The following ZNF607 variants were observed in gnomAD, a reference collection of about 807,000 sequenced individuals.
The protein encoded by ZNF607 is zinc finger protein 607.
ZNF607 carries 5 observed loss-of-function variants against 12.8 expected under a neutral mutation model. That is an observed-to-expected ratio of 0.39 (90% CI 0.20 to 0.82). The LOEUF (loss-of-function observed/expected upper bound fraction) is 0.82. Ranked by LOEUF, ZNF607 falls within the 40% of genes least tolerant of loss-of-function variation. The pLI, the probability that ZNF607 is intolerant of heterozygous loss-of-function variation, is 0.39. For synonymous variants in ZNF607, 287 were observed against 276.2 expected (o/e 1.04, Z -0.39); for missense variants, 851 against 859.2 (o/e 0.99, Z 0.12).
chr19:37,700,344 G>A lies in ZNF607; in HGVS notation c.236-449C>T, dbSNP rs117298454. 6.8e-3 allele frequency among the ~76,000 whole-genome samples: 1,034 copies of A among 152,250 alleles called. 32 individuals carry two copies. Among genetic ancestry groups the A allele is most frequent in the East Asian group, 0.055 (285 of 5,184 alleles). ...TAAAATGGAAGAATTCCAGCAGATT[G>A]AACATCTGTAGGACCAGAAGTAATA... On this transcript the variant is annotated intron_variant, in intron 4 of 4. Transcript: ENST00000355202.
chr19:37,698,466 A>G lies in ZNF607; in HGVS notation c.1665T>C (p.His555=). Residue 555 remains histidine (H), a synonymous_variant, in exon 5 of 5, where the codon CAT becomes CAC. Transcript: ENST00000355202. ...ISVLKAHQNI[H]SAEKPYECKE... ...TACATTCGTAGGGTTTCTCAGCGCT[A>G]TGAATATTCTGATGGGCTTTAAGTA... The G allele has an allele frequency of 1.9e-6, 3 of 1,614,150 alleles. No homozygotes were observed. The highest frequency in any genetic ancestry group is 2.5e-6 in the Non-Finnish European group (3 of 1,180,022).
chr19:37,698,810 T>C lies in ZNF607; in HGVS notation c.1321A>G (p.Arg441Gly). ...AAGGGTTTGTAACCAGTATGAATTC[T>C]GTTATGATGGGCAAGGTGTGCACGC... is the stretch of plus-strand genomic sequence containing the variant. Reference protein sequence around the residue: ...SQRAHLAHHNRIHTGYKPFEC... With the variant: ...SQRAHLAHHNGIHTGYKPFEC... The change falls in exon 5 of 5, where the codon AGA becomes GGA. Residue 441 changes from arginine to glycine, a missense_variant. Transcript: ENST00000355202. 2 of 1,613,794 alleles carry C rather than the reference T, an allele frequency of 1.2e-6. No homozygotes were observed. Among genetic ancestry groups the C allele is most frequent in the Non-Finnish European group, 1.7e-6 (2 of 1,179,788 alleles).
intron 4 of ZNF607, among the ~76,000 whole-genome samples, chr19:37,700,626 T>C (rs555825757): frequency 6.6e-6 from 1 of 152,264 alleles, no homozygotes; most frequent in East Asian, 1.9e-4. Flanking sequence ...GGGCATTCAG[T>C]ATCGGCAGGC....
chr19:37,699,409 CT>C lies in ZNF607; in HGVS notation c.721del (p.Ser241ValfsTer284). 1 of 1,613,976 alleles carries C rather than the reference CT, an allele frequency of 6.2e-7. No homozygotes were observed. The highest frequency in any genetic ancestry group is 1.1e-5 in the South Asian group (1 of 91,068). On this transcript the variant is annotated frameshift_variant, in exon 5 of 5. Transcript: ENST00000355202. LOFTEE classifies it low-confidence loss of function (END_TRUNC). Reference protein sequence around the residue: ...GKAFSVYGRLSRHQSIHTGEK... With the variant: ...GKAFSVYGRLXRHQSIHTGEK... Reference sequence around the variant, plus strand: ...ACCAGTGTGAATACTCTGATGTCGACTAAGTCGTCCATACACACTAAAGGCC... The same window carrying C: ...ACCAGTGTGAATACTCTGATGTCGACAAGTCGTCCATACACACTAAAGGCC...
At chr19:37,711,513 C>G (rs57504517) in intron 2 of ZNF607, 97 bp downstream of exon 2, 1 of 1,235,232 alleles carries the variant, frequency 8.1e-7, no homozygotes, top group Non-Finnish European at 1.2e-6. Context: ...AACTGAGCAC[C>G]GTCTCACGAA....
intron 4 of ZNF607, among the ~76,000 whole-genome samples, chr19:37,706,810 C>G (rs187174085): frequency 7.2e-5 from 11 of 152,114 alleles, no homozygotes; most frequent in African/African-American, 2.7e-4. Context: ...CCCACCTTAG[C>G]CTCCCAAGTA....
rs558571998 is a variant in ZNF607, at chr19:37,713,734, C to T, written c.-74-2042G>A. On this transcript the variant is annotated intron_variant, in intron 1 of 4. Coordinates refer to ENST00000355202, the MANE Select transcript of ZNF607 (RefSeq NM_032689.5). ...GATTACAGGTGTGAGCCACCACGCC[C>T]GGCCCAAAAGTCTTTTTTACCACAA... Among the ~76,000 whole-genome samples, 413 of 152,132 alleles carry T rather than the reference C, an allele frequency of 2.7e-3. 2 individuals are homozygous for T. Among genetic ancestry groups the T allele is most frequent in the Non-Finnish European group, 4.6e-3 (315 of 68,000 alleles).
intron 4 of ZNF607, 98 bp downstream of exon 4, chr19:37,707,816 G>T: frequency 2.2e-6 from 2 of 894,372 alleles, no homozygotes; most frequent in South Asian, 3.3e-5. Context: ...GGAAATTTAT[G>T]ACCAATGTTT....
intron 1 of ZNF607, among the ~76,000 whole-genome samples, chr19:37,715,424 T>C (rs1024007409): frequency 3.8e-4 from 57 of 150,652 alleles, no homozygotes; most frequent in African/African-American, 1.3e-3. Context: ...CTGACCAACA[T>C]GGTAAAACCC....
intron 1 of ZNF607, among the ~76,000 whole-genome samples, chr19:37,718,679 A>G (rs772705866): frequency 6.6e-6 from 1 of 152,216 alleles, no homozygotes; most frequent in Non-Finnish European, 1.5e-5. Flanking sequence ...ATTCTAAGTC[A>G]GTTTAGCAAG....
rs2044980120 is a variant in ZNF607 at position 37,696,945 on chromosome 19, T to C, written c.*1095A>G. 4.4e-6 allele frequency: 3 copies of C among 685,778 alleles called. No homozygotes were observed. The highest frequency in any genetic ancestry group is 3.5e-5 in the African/African-American group (2 of 57,008). 42.5% of individuals were successfully genotyped at this position (685,778 alleles called of 1,614,324 possible). A position where few individuals can be genotyped will look rare whatever the true frequency, so the allele number is the denominator to read the frequency against. ...AAAGGTGGCTGCTCACTCCATAAGG[T>C]TGTTGCTCACCTGGCTGGAGACCAG... is the stretch of plus-strand genomic sequence containing the variant. On this transcript the variant is annotated 3_prime_UTR_variant, in exon 5 of 5. Coordinates refer to ENST00000355202, the MANE Select transcript of ZNF607 (RefSeq NM_032689.5).
At position 37,696,877 on chromosome 19, in the gene ZNF607, AG is replaced by A; in HGVS notation, c.*1162del. On this transcript the variant is annotated 3_prime_UTR_variant, in exon 5 of 5. Transcript: ENST00000355202. ...GGCCACCTGTCTGTTAACTCCTTCAAGAAGGTCAGATGTGTCAAAGACACGT... is the reference window on the plus strand; with the variant it reads ...GGCCACCTGTCTGTTAACTCCTTCAAAAGGTCAGATGTGTCAAAGACACGT... 2 of 709,470 alleles carry A rather than the reference AG, an allele frequency of 2.8e-6. No homozygotes were observed. Among genetic ancestry groups the A allele is most frequent in the Non-Finnish European group, 5.0e-6 (2 of 396,604 alleles). The allele number at this position is 709,470 out of a possible 1,614,324, so 43.9% of individuals were successfully genotyped here.
rs1200625074 is a variant in ZNF607, at chr19:37,717,819, A to G, written c.-75+1450T>C. 2.0e-5 allele frequency among the ~76,000 whole-genome samples: 3 copies of G among 151,208 alleles called. No homozygotes were observed. In the South Asian group the frequency reaches 6.2e-4, roughly 31 times the overall value. ...GGAACTCAGTCTCAAAAAAAAAAAAAAAAAAAAAAAAGAAAGAAAAAGAGT... is the reference window on the plus strand; with the variant it reads ...GGAACTCAGTCTCAAAAAAAAAAAAGAAAAAAAAAAAGAAAGAAAAAGAGT... On this transcript the variant is annotated intron_variant, in intron 1 of 4. Transcript: ENST00000355202.
At chr19:37,705,427 C>G (rs1425105548) in intron 4 of ZNF607, among the ~76,000 whole-genome samples, 1 of 151,992 alleles carries the variant, frequency 6.6e-6, no homozygotes, top group African/African-American at 2.4e-5. Context: ...CATGGTGGCT[C>G]ACGCCCCAGC....
chr19:37,714,605 TGG>T (rs2045160879), intron 1 of ZNF607, among the ~76,000 whole-genome samples: 1 of 149,350 alleles, frequency 6.7e-6, no homozygotes, highest in African/African-American at 2.5e-5. Context: ...ATTAGTTACG[TGG>T]TATCCTGCTG....
chr19:37,716,162 C>T (rs1434113054), intron 1 of ZNF607, among the ~76,000 whole-genome samples: 2 of 152,106 alleles, frequency 1.3e-5, no homozygotes, highest in African/African-American at 4.8e-5. Flanking sequence ...AAGGGGTAGC[C>T]TCCATTGTAC....
In ZNF607 at chr19:37,698,390, G is replaced by C. The variant is rs759314904; in HGVS notation, c.1741C>G (p.Arg581Gly). 2 of 1,613,840 alleles carry C rather than the reference G, an allele frequency of 1.2e-6. No homozygotes were observed. Among genetic ancestry groups the C allele is most frequent in the Non-Finnish European group, 1.7e-6 (2 of 1,179,978 alleles). The change falls in exon 5 of 5, where the codon CGA becomes GGA. Residue 581 changes from arginine to glycine, a missense_variant. Transcript: ENST00000355202. Reference protein sequence around the residue: ...RHATSLIYHDRTHAGEKSYEC... With the variant: ...RHATSLIYHDGTHAGEKSYEC... ...TAGGACTTTTCACCAGCATGAGTTC[G>C]GTCATGATATATGAGGCTTGTGGCA...
chr19:37,697,067 C>T lies in ZNF607; in HGVS notation c.*973G>A. ...ACGGCAGCACACACTCATCGTAGTC[C>T]TCTCCAATGCTGGTGAAGATGCGAG... On this transcript the variant is annotated 3_prime_UTR_variant, in exon 5 of 5. Coordinates refer to ENST00000355202, the MANE Select transcript of ZNF607 (RefSeq NM_032689.5). 1.3e-6 allele frequency: 1 copy of T among 740,832 alleles called. No individual in the cohort carries two copies. Among genetic ancestry groups the T allele is most frequent in the Non-Finnish European group, 2.5e-6 (1 of 395,562 alleles). 45.9% of individuals were successfully genotyped at this position (740,832 alleles called of 1,614,324 possible). A position where few individuals can be genotyped will look rare whatever the true frequency, so the allele number is the denominator to read the frequency against.
Position 37,698,266 on chromosome 19 carries a change from C to T in ZNF607, c.1865G>A (p.Cys622Tyr), listed in dbSNP as rs2044995797. 1.2e-6 allele frequency: 2 copies of T among 1,614,068 alleles called. No homozygotes were observed. The change falls in exon 5 of 5, where the codon TGT becomes TAT. Residue 622 changes from cysteine (C) to tyrosine (Y), a missense_variant. By Grantham distance (194) the Cys-to-Tyr change is radical. Coordinates refer to ENST00000355202, the MANE Select transcript of ZNF607 (RefSeq NM_032689.5). ...TSDKPYECKR[C>Y]GKAFHCASYL... ...TGAGGCACAGTGAAATGCCTTCCCA[C>T]ATCTTTTACATTCATAGGGTTTATC... is the stretch of plus-strand genomic sequence containing the variant.
Sources: allele counts gnomAD v4.1 joint callset (sites outside exome capture counted in the v4.1 genomes callset), GRCh38; gene constraint gnomAD v4.1.1; transcripts MANE v1.5; gene names NCBI Gene and HGNC (gene_info 2026-07-23, HGNC 2026-07-21).